SLC22A3: variants seen among roughly 807,000 people sequenced by gnomAD.
The protein encoded by SLC22A3 is solute carrier family 22 member 3, also known as EMT organic cation transporter 3.
In SLC22A3, 51 loss-of-function variants were observed where a neutral mutation model predicts 59.1. That is an observed-to-expected ratio of 0.86 (90% CI 0.69 to 1.09). The LOEUF (loss-of-function observed/expected upper bound fraction) is 1.09. Among genes scored for constraint, SLC22A3 ranks in the 50% least tolerant of loss-of-function variants. SLC22A3 has a pLI of 0.00. For missense variants in SLC22A3, 711 were observed against 726.3 expected, an observed-to-expected ratio of 0.98 and a Z score of 0.24; for synonymous variants, 325 against 292.0, an observed-to-expected ratio of 1.11 and a Z score of -1.15.
At chr6:160,440,665 G>C (rs575170586) in intron 7 of SLC22A3, among the ~76,000 whole-genome samples, 2 of 152,120 alleles carry the variant, frequency 1.3e-5, no homozygotes, top group Non-Finnish European at 2.9e-5. Flanking sequence ...GAATTTCTTT[G>C]TGTGTATATA....
rs562518286 is a variant in SLC22A3 at position 160,392,393 on chromosome 6, C to T, written c.430-5586C>T. On this transcript the variant is annotated intron_variant, in intron 1 of 10. Transcript: ENST00000275300. ...TGTTTGAAATTATCTTACATTTAGTCGATTCCATTCTGTTTAGATCTCAGC... is the reference window on the plus strand; with the variant it reads ...TGTTTGAAATTATCTTACATTTAGTTGATTCCATTCTGTTTAGATCTCAGC... Among the ~76,000 whole-genome samples the T allele has an allele frequency of 4.6e-5, 7 of 152,274 alleles. No homozygotes were observed. The South Asian group carries it at 8.3e-4, about 18-fold the overall frequency.
intron 1 of SLC22A3, 112 bp from the exon 2 acceptor site, chr6:160,397,867 A>G (rs1786565058): frequency 3.6e-6 from 3 of 824,858 alleles, no homozygotes; most frequent in Non-Finnish European, 6.4e-6. Flanking sequence ...AAATTTATTT[A>G]AAGAGTATAT....
intron 1 of SLC22A3, among the ~76,000 whole-genome samples, chr6:160,376,365 C>T (rs545174401): frequency 2.8e-5 from 4 of 143,380 alleles, no homozygotes; most frequent in South Asian, 2.3e-4. Flanking sequence ...GGGGGTGGTG[C>T]GGAGAGGGGT....
intron 1 of SLC22A3, among the ~76,000 whole-genome samples, chr6:160,354,004 G>A (rs1784746829): frequency 6.6e-6 from 1 of 152,154 alleles, no homozygotes; most frequent in South Asian, 2.1e-4. Flanking sequence ...ATGGGCAACT[G>A]ATAATAAAAT....
At chr6:160,407,981 G>C (rs988701390) in intron 3 of SLC22A3, among the ~76,000 whole-genome samples, 1 of 152,178 alleles carries the variant, frequency 6.6e-6, no homozygotes, top group Non-Finnish European at 1.5e-5. Flanking sequence ...CTTTCTGTGA[G>C]TGGGAGAAGG....
chr6:160,411,710 C>T (rs576450295), intron 5 of SLC22A3, among the ~76,000 whole-genome samples: 25 of 152,114 alleles, frequency 1.6e-4, no homozygotes, highest in African/African-American at 6.0e-4. Flanking sequence ...CCACTGCCCT[C>T]CAGCCTAGGA....
Position 160,451,064 on chromosome 6 carries a change from G to T in SLC22A3, c.*8G>T. ...TCCCGCTCTCACCTTTGAGGCCCCC[G>T]ACAAAGACAGAAAGAAGGAGCTATC... On this transcript the variant is annotated 3_prime_UTR_variant, in exon 11 of 11. Transcript: ENST00000275300. 1.3e-6 allele frequency: 2 copies of T among 1,586,676 alleles called. No homozygotes were observed. Among genetic ancestry groups the T allele is most frequent in the South Asian group, 1.2e-5 (1 of 86,864 alleles).
intron 9 of SLC22A3, among the ~76,000 whole-genome samples, chr6:160,447,339 G>C (rs981563399): frequency 1.3e-5 from 2 of 152,152 alleles, no homozygotes; most frequent in African/African-American, 4.8e-5. Context: ...ATCGGAGGGA[G>C]AGGGGCAGGT....
In SLC22A3 at chr6:160,451,061, C is replaced by A; in HGVS notation, c.*5C>A. ...GTTTCCCGCTCTCACCTTTGAGGCC[C>A]CCGACAAAGACAGAAAGAAGGAGCT... On this transcript the variant is annotated 3_prime_UTR_variant, in exon 11 of 11. Transcript: ENST00000275300. The A allele has an allele frequency of 1.3e-6, 2 of 1,588,594 alleles. No individual in the cohort carries two copies. Among genetic ancestry groups the A allele is most frequent in the Non-Finnish European group, 1.7e-6 (2 of 1,165,262 alleles).
chr6:160,364,145 C>T (rs1228631032), intron 1 of SLC22A3, among the ~76,000 whole-genome samples: 2 of 151,944 alleles, frequency 1.3e-5, no homozygotes, highest in Non-Finnish European at 2.9e-5. Flanking sequence ...GGAAACAATA[C>T]CTATAAAATA....
At chr6:160,441,585 TG>T (rs1253168361) in intron 7 of SLC22A3, among the ~76,000 whole-genome samples, 3 of 150,464 alleles carry the variant, frequency 2.0e-5, no homozygotes, top group Non-Finnish European at 2.9e-5. Context: ...CCTGGGCAAT[TG>T]TTTTATTTAA....
chr6:160,426,766 T>C (rs1222852426), intron 5 of SLC22A3, among the ~76,000 whole-genome samples: 1 of 152,166 alleles, frequency 6.6e-6, no homozygotes, highest in Non-Finnish European at 1.5e-5. Flanking sequence ...TTGTGATCGG[T>C]GTTTTCATAC....
intron 1 of SLC22A3, among the ~76,000 whole-genome samples, chr6:160,355,214 T>C (rs1784788082): frequency 6.6e-6 from 1 of 152,218 alleles, no homozygotes; most frequent in Non-Finnish European, 1.5e-5. Context: ...GTGTGCTTCC[T>C]GGCAGGGCAC....
chr6:160,382,126 T>C (rs1420894954), intron 1 of SLC22A3, among the ~76,000 whole-genome samples: 19 of 152,206 alleles, frequency 1.2e-4, no homozygotes, highest in Admixed American at 1.2e-3. Context: ...TGACTTGTCT[T>C]AGAAAAAGAA....
At chr6:160,372,165 T>C (rs1785423534) in intron 1 of SLC22A3, among the ~76,000 whole-genome samples, 1 of 152,222 alleles carries the variant, frequency 6.6e-6, no homozygotes, top group South Asian at 2.1e-4. Context: ...TCTTGTATTG[T>C]GTACATATAT....
At chr6:160,423,066 G>A (rs1381263073) in intron 5 of SLC22A3, among the ~76,000 whole-genome samples, 1 of 152,084 alleles carries the variant, frequency 6.6e-6, no homozygotes, top group African/African-American at 2.4e-5. Context: ...CCACCTATGA[G>A]TGAGAACATG....
In SLC22A3 at chr6:160,357,970, G is replaced by A. The variant is rs908606661; in HGVS notation, c.429+9122G>A. On this transcript the variant is annotated intron_variant, in intron 1 of 10. Transcript: ENST00000275300. ...TAAGATTGCTACAATTCCCTATCCAGTCTGTATCTAATAGAGCATACATAA... is the reference window on the plus strand; with the variant it reads ...TAAGATTGCTACAATTCCCTATCCAATCTGTATCTAATAGAGCATACATAA... Among the ~76,000 whole-genome samples the A allele has an allele frequency of 5.3e-5, 8 of 152,120 alleles. No homozygotes were observed. The South Asian group carries it at 6.2e-4, about 12-fold the overall frequency.
chr6:160,383,483 C>T (rs1473924409), intron 1 of SLC22A3, among the ~76,000 whole-genome samples: 2 of 152,158 alleles, frequency 1.3e-5, no homozygotes, highest in Non-Finnish European at 2.9e-5. Context: ...TTATTTCCCT[C>T]AATGAAAACT....
At chr6:160,400,984 G>GAAAAA (rs58532600) in intron 2 of SLC22A3, among the ~76,000 whole-genome samples, 6 of 78,556 alleles carry the variant, frequency 7.6e-5, no homozygotes, top group Non-Finnish European at 7.0e-5. Context: ...CTCCAAAACT[G>GAAAAA]AAAAAAAAAA....
Sources: gnomAD v4.1 joint callset for allele counts (sites outside exome capture counted in the v4.1 genomes callset) on GRCh38, gnomAD v4.1.1 for gene constraint, MANE v1.5 for transcripts, NCBI Gene and HGNC (gene_info 2026-07-23, HGNC 2026-07-21) for gene names.